ARHGAP35: variants seen among roughly 807,000 people sequenced by gnomAD.
The protein encoded by ARHGAP35 is rho GTPase-activating protein 35.
Under a neutral mutation model 111.1 loss-of-function variants are expected in ARHGAP35, and 15 were observed. The ratio of observed to expected loss-of-function variants is 0.13; its 90% confidence interval spans 0.09 to 0.21. ARHGAP35 has a LOEUF of 0.21. Among genes scored for constraint, ARHGAP35 ranks in the 10% least tolerant of loss-of-function variants. The pLI is 1.00. For synonymous variants in ARHGAP35, 643 were observed against 710.3 expected (o/e 0.91, Z 1.51); for missense variants, 1,262 against 1,873.0 (o/e 0.67, Z 6.02).
chr19:46,975,365 G>A (rs537377079), intron 3 of ARHGAP35, among the ~76,000 whole-genome samples: 6 of 152,196 alleles, frequency 3.9e-5, no homozygotes, highest in South Asian at 2.1e-4. Flanking sequence ...CTGAGGGTGC[G>A]CAGGAGAGGA....
chr19:46,957,535 C>T (rs1486503569), intron 3 of ARHGAP35, among the ~76,000 whole-genome samples: 1 of 152,000 alleles, frequency 6.6e-6, no homozygotes, highest in African/African-American at 2.4e-5. Context: ...ATCACTTGAG[C>T]CTGGGAGCTC....
In ARHGAP35 at chr19:46,994,876, C is replaced by T. The variant is rs148721198; in HGVS notation, c.4037-4428C>T. On this transcript the variant is annotated intron_variant, in intron 5 of 6. Transcript: ENST00000672722. This position sits in a 1 kb window ranked among gnomAD's most constrained non-coding sequence, Gnocchi z 5.4. ...TCCCAAATCCGAGAATGAAAGAATT[C>T]GCATTGTCTGACAAGGCAAGAATGG... Among the ~76,000 whole-genome samples the T allele has an allele frequency of 1.3e-3, 202 of 152,310 alleles. 2 individuals carry two copies. The highest frequency in any genetic ancestry group is 4.6e-3 in the African/African-American group (192 of 41,568).
At chr19:46,990,844 G>A (rs1350466893) in intron 5 of ARHGAP35, among the ~76,000 whole-genome samples, 2 of 152,288 alleles carry the variant, frequency 1.3e-5, no homozygotes, top group Admixed American at 6.5e-5. Context: ...ACAGGGCTGC[G>A]GGGCCTCCAA....
At chr19:46,966,592 C>T (rs2056516498) in intron 3 of ARHGAP35, among the ~76,000 whole-genome samples, 1 of 152,082 alleles carries the variant, frequency 6.6e-6, no homozygotes, top group Admixed American at 6.5e-5. Flanking sequence ...AATGTATGGT[C>T]CTTCATTTCA....
chr19:46,921,860 G>A lies in ARHGAP35; in HGVS notation c.3185G>A (p.Gly1062Asp), dbSNP rs1206205629. ...GGGGATCTATCTTATTTAGACCAAG[G>A]CCATAGGGATGGACAGAGGAAGTCT... Reference protein sequence around the residue: ...TKGDLSYLDQGHRDGQRKSVS... With the variant: ...TKGDLSYLDQDHRDGQRKSVS... Residue 1062 changes from glycine (G) to aspartate (D), a missense_variant, in exon 2 of 7, where the codon GGC becomes GAC. By Grantham distance (94) the Gly-to-Asp change is moderately conservative. Coordinates refer to ENST00000672722, the MANE Select transcript of ARHGAP35 (RefSeq NM_004491.5). This position sits in a 1 kb window ranked among gnomAD's most constrained non-coding sequence, Gnocchi z 4.3. The A allele has an allele frequency of 1.2e-6, 2 of 1,614,010 alleles. No homozygotes were observed. The highest frequency in any genetic ancestry group is 1.7e-6 in the Non-Finnish European group (2 of 1,179,892).
At chr19:46,888,881 T>C (rs2056009662) in intron 1 of ARHGAP35, among the ~76,000 whole-genome samples, 1 of 149,388 alleles carries the variant, frequency 6.7e-6, no homozygotes, top group Non-Finnish European at 1.5e-5. Context: ...TGGTGGCACG[T>C]GCCTGTAGTA....
chr19:46,888,837 C>CAAAAAAA (rs769595005), intron 1 of ARHGAP35, among the ~76,000 whole-genome samples: 4 of 57,392 alleles, frequency 7.0e-5, no homozygotes, highest in Admixed American at 1.9e-4. Flanking sequence ...ACTAAAAATA[C>CAAAAAAA]AAAAAAAAAA....
rs530670977 is a variant in ARHGAP35, at chr19:46,929,112, C to T, written c.3681+6756C>T. Among the ~76,000 whole-genome samples the T allele has an allele frequency of 5.5e-4, 84 of 152,070 alleles. 1 individual carries two copies. The highest frequency in any genetic ancestry group is 1.9e-3 in the Admixed American group (29 of 15,272). On this transcript the variant is annotated intron_variant, in intron 2 of 6. Coordinates refer to ENST00000672722, the MANE Select transcript of ARHGAP35 (RefSeq NM_004491.5). ...GTGACTGAGTCATGGTATTAACTGC[C>T]AGCTTGAAGGAGACCATATCTAAGC...
intron 3 of ARHGAP35, among the ~76,000 whole-genome samples, chr19:46,962,827 T>C (rs773575313): frequency 6.6e-6 from 1 of 152,204 alleles, no homozygotes; most frequent in South Asian, 2.1e-4. Context: ...TTGGCCAGGC[T>C]GGTCTCGAAC....
intron 2 of ARHGAP35, among the ~76,000 whole-genome samples, chr19:46,930,766 C>T (rs1406037801): frequency 1.3e-5 from 2 of 151,698 alleles, no homozygotes; most frequent in African/African-American, 4.8e-5. Context: ...TGTTGCATAG[C>T]TGGTACTTGC....
intron 2 of ARHGAP35, among the ~76,000 whole-genome samples, chr19:46,934,668 G>A (rs956863859): frequency 2.0e-4 from 30 of 149,768 alleles, no homozygotes; most frequent in African/African-American, 7.4e-4. Flanking sequence ...TACCCGGCCA[G>A]CCCTCTTATT....
chr19:46,899,806 T>C (rs2056075775), intron 1 of ARHGAP35, among the ~76,000 whole-genome samples: 1 of 152,038 alleles, frequency 6.6e-6, no homozygotes, highest in South Asian at 2.1e-4. Flanking sequence ...GAAACTCTTA[T>C]GATAGCTCAA....
At position 46,901,100 on chromosome 19, in the gene ARHGAP35, AGTAGTAG is replaced by A. The variant is rs1219006835; in HGVS notation, c.-188-17385_-188-17379del. Among the ~76,000 whole-genome samples the A allele has an allele frequency of 6.6e-6, 1 of 152,236 alleles. No homozygotes were observed. The highest frequency in any genetic ancestry group is 1.5e-5 in the Non-Finnish European group (1 of 68,048). On this transcript the variant is annotated intron_variant, in intron 1 of 6. Transcript: ENST00000672722. This position sits in a 1 kb window ranked among gnomAD's most constrained non-coding sequence, Gnocchi z 4.5. ...ACATGCCTAGTACAGTGCCTGGCAC[AGTAGTAG>A]GTGCTTGCTCAGTAATTTTCATTGA... is the stretch of plus-strand genomic sequence containing the variant.
chr19:46,924,555 C>T (rs1030102706), intron 2 of ARHGAP35, among the ~76,000 whole-genome samples: 4 of 152,198 alleles, frequency 2.6e-5, no homozygotes, highest in African/African-American at 9.7e-5. Context: ...CCTTTGTCTG[C>T]CTCCAGTGTT....
intron 3 of ARHGAP35, among the ~76,000 whole-genome samples, chr19:46,967,047 C>T (rs1014907040): frequency 1.3e-5 from 2 of 151,708 alleles, no homozygotes; most frequent in Non-Finnish European, 2.9e-5. Flanking sequence ...ACCACGTAGC[C>T]ATATTGCCCT....
At chr19:46,906,402 C>T (rs566101834) in intron 1 of ARHGAP35, among the ~76,000 whole-genome samples, 2 of 152,292 alleles carry the variant, frequency 1.3e-5, no homozygotes, top group South Asian at 2.1e-4. Flanking sequence ...CCTGCCAGTT[C>T]CATCCAGGGC....
intron 1 of ARHGAP35, among the ~76,000 whole-genome samples, chr19:46,893,886 CTTTTTT>C (rs75930765): frequency 1.6e-5 from 2 of 122,380 alleles, no homozygotes; most frequent in South Asian, 5.4e-4. Context: ...CGTTCTTTCT[CTTTTTT>C]TTTTTTTTTT....
intron 1 of ARHGAP35, among the ~76,000 whole-genome samples, chr19:46,889,926 G>C (rs112919408): frequency 2.2e-4 from 33 of 152,176 alleles, no homozygotes; most frequent in African/African-American, 7.7e-4. Context: ...CTAAGCAAAG[G>C]TTATAGGAAC....
At chr19:46,915,966 C>T (rs1347749428) in intron 1 of ARHGAP35, among the ~76,000 whole-genome samples, 3 of 137,390 alleles carry the variant, frequency 2.2e-5, no homozygotes, top group South Asian at 2.3e-4. Context: ...GATGGAGTCT[C>T]GCTCTGTCGC....
Sources: gnomAD v4.1 joint callset for allele counts (sites outside exome capture counted in the v4.1 genomes callset) on GRCh38, gnomAD v4.1.1 for gene constraint, Gnocchi (gnomAD v3.1) non-coding constraint, MANE v1.5 for transcripts, NCBI Gene and HGNC (gene_info 2026-07-23, HGNC 2026-07-21) for gene names.